The following CAMK2A variants were observed in gnomAD, a reference collection of about 807,000 sequenced individuals.
The protein encoded by CAMK2A is calcium/calmodulin dependent protein kinase II alpha.
In CAMK2A, 7 loss-of-function variants were observed where a neutral mutation model predicts 79.2. The observed-to-expected ratio is 0.09, with a 90% CI of 0.05 to 0.17. CAMK2A has a LOEUF of 0.17. CAMK2A is among the 10% of genes least tolerant of loss of function. CAMK2A has a pLI of 1.00. For synonymous variants in CAMK2A, 242 were observed against 251.7 expected (o/e 0.96, Z 0.36); for missense variants, 214 against 646.4 (o/e 0.33, Z 7.25).
intron 3 of CAMK2A, among the ~76,000 whole-genome samples, chr5:150,262,623 T>C (rs576065842): frequency 1.7e-3 from 257 of 152,258 alleles, no homozygotes; most frequent in African/African-American, 5.7e-3. Context: ...ATCAGGTGAA[T>C]GAAGGAAGGA....
At chr5:150,289,413 T>C in intron 1 of CAMK2A, 151 bp downstream of exon 1, 2 of 654,206 alleles carry the variant, frequency 3.1e-6, no homozygotes, top group South Asian at 3.8e-5. Context: ...CTGGACACTC[T>C]GTACACAGGC....
chr5:150,235,411 C>T (rs914021618), intron 15 of CAMK2A, among the ~76,000 whole-genome samples: 5 of 152,194 alleles, frequency 3.3e-5, no homozygotes, highest in Non-Finnish European at 7.3e-5. Context: ...AGCTGTTCAC[C>T]CAGACAATCC....
At chr5:150,233,669 G>A (rs1304141617) in intron 15 of CAMK2A, among the ~76,000 whole-genome samples, 2 of 152,162 alleles carry the variant, frequency 1.3e-5, no homozygotes, top group Non-Finnish European at 2.9e-5. Flanking sequence ...CAAGTTGCCT[G>A]GTAGCCACTG....
intron 16 of CAMK2A, 49 bp downstream of exon 16, chr5:150,231,256 C>T (rs750111360): frequency 3.4e-6 from 4 of 1,162,034 alleles, no homozygotes; most frequent in Non-Finnish European, 3.7e-6. Context: ...TTGGTACCCC[C>T]TGAACAACAA....
At chr5:150,278,217 G>A (rs1490257820) in intron 1 of CAMK2A, among the ~76,000 whole-genome samples, 2 of 152,096 alleles carry the variant, frequency 1.3e-5, no homozygotes, top group African/African-American at 4.8e-5. Context: ...AAAGAAGGGG[G>A]TCTGAATGAG....
chr5:150,264,799 G>A (rs1308153454), intron 3 of CAMK2A, among the ~76,000 whole-genome samples, 157 bp downstream of exon 3: 1 of 152,150 alleles, frequency 6.6e-6, no homozygotes, highest in African/African-American at 2.4e-5. Flanking sequence ...GAGGAATGTG[G>A]AAACCATTAA....
At chr5:150,242,556 C>A (rs906814597) in intron 13 of CAMK2A, among the ~76,000 whole-genome samples, 1 of 152,162 alleles carries the variant, frequency 6.6e-6, no homozygotes, top group Non-Finnish European at 1.5e-5. Flanking sequence ...GAAGGTGAGA[C>A]AGTGAAAGGA....
chr5:150,279,540 G>A (rs181545310), intron 1 of CAMK2A, among the ~76,000 whole-genome samples: 49 of 152,232 alleles, frequency 3.2e-4, no homozygotes, highest in Non-Finnish European at 1.5e-5. Context: ...ACAATGCCTT[G>A]TGTAGGCATC....
chr5:150,265,034 T>G lies in CAMK2A; in HGVS notation c.158-19A>C, dbSNP rs891938. ...TGATGGTCTGAAACACAGAGGCTCA[T>G]GTGAGTCCCCGGTGAGGAAGGAACC... is the stretch of plus-strand genomic sequence containing the variant. On this transcript the variant is annotated intron_variant, in intron 2 of 18. Coordinates refer to ENST00000671881, the MANE Select transcript of CAMK2A (RefSeq NM_015981.4). 0.99 allele frequency: 1,597,690 copies of G among 1,606,262 alleles called. 794,592 individuals carry two copies. Among genetic ancestry groups the G allele is most frequent in the East Asian group, 1 (44,767 of 44,768 alleles).
intron 14 of CAMK2A, 94 bp from the exon 15 acceptor site, chr5:150,238,842 G>A: frequency 9.2e-7 from 1 of 1,084,778 alleles, no homozygotes; most frequent in Non-Finnish European, 1.3e-6. Context: ...GCTGGTTTCT[G>A]TGAGCCTCAC....
chr5:150,253,368 G>A, intron 7 of CAMK2A, 76 bp downstream of exon 7: 1 of 1,197,270 alleles, frequency 8.4e-7, no homozygotes, highest in South Asian at 1.2e-5. Flanking sequence ...CACTCAGGCA[G>A]GGGGTTCCCA....
intron 1 of CAMK2A, among the ~76,000 whole-genome samples, chr5:150,279,709 G>A (rs1344382566): frequency 6.6e-6 from 1 of 152,226 alleles, no homozygotes; most frequent in East Asian, 1.9e-4. Flanking sequence ...TGCCCCTGAG[G>A]GTGGACGAGC....
intron 1 of CAMK2A, among the ~76,000 whole-genome samples, chr5:150,283,365 C>T (rs996578473): frequency 5.9e-5 from 9 of 152,176 alleles, no homozygotes; most frequent in African/African-American, 2.2e-4. Flanking sequence ...TTCCTCCTCT[C>T]TCTTACTTTC....
chr5:150,232,213 T>A (rs1754872553), intron 15 of CAMK2A, among the ~76,000 whole-genome samples: 1 of 152,214 alleles, frequency 6.6e-6, no homozygotes, highest in Non-Finnish European at 1.5e-5. Flanking sequence ...GTCCAGGTCC[T>A]CAAGCTGTGC....
chr5:150,232,750 C>T (rs1754901066), intron 15 of CAMK2A, among the ~76,000 whole-genome samples: 1 of 152,238 alleles, frequency 6.6e-6, no homozygotes, highest in Non-Finnish European at 1.5e-5. Context: ...CTCACCAGCC[C>T]TGTCCTCACC....
intron 1 of CAMK2A, among the ~76,000 whole-genome samples, chr5:150,273,396 C>A (rs974920936): frequency 6.6e-6 from 1 of 152,206 alleles, no homozygotes; most frequent in African/African-American, 2.4e-5. Context: ...AGCCTGCCAA[C>A]GTCATCAAAG....
chr5:150,263,603 G>A (rs771464213), intron 3 of CAMK2A, among the ~76,000 whole-genome samples: 3 of 150,172 alleles, frequency 2.0e-5, no homozygotes, highest in Admixed American at 6.6e-5. Context: ...ACACTCACAC[G>A]CACACATTCG....
intron 1 of CAMK2A, among the ~76,000 whole-genome samples, chr5:150,273,613 C>CCTTGAGTTACCA (rs1756839909): frequency 6.6e-6 from 1 of 152,210 alleles, no homozygotes; most frequent in Non-Finnish European, 1.5e-5. Context: ...GAGATTACCA[C>CCTTGAGTTACCA]TGTTACCATG....
chr5:150,285,187 G>A (rs546096829), intron 1 of CAMK2A, among the ~76,000 whole-genome samples: 4 of 152,248 alleles, frequency 2.6e-5, no homozygotes, highest in South Asian at 2.1e-4. Flanking sequence ...GTCTTCCCCC[G>A]ATATGCTGGG....
Sources: gnomAD v4.1 joint callset for allele counts (sites outside exome capture counted in the v4.1 genomes callset) on GRCh38, gnomAD v4.1.1 for gene constraint, MANE v1.5 for transcripts, NCBI Gene and HGNC (gene_info 2026-07-23, HGNC 2026-07-21) for gene names.